The following PTPRD variants were observed in gnomAD, a reference collection of about 807,000 sequenced individuals.
The protein encoded by PTPRD is receptor-type tyrosine-protein phosphatase delta.
A neutral mutation model predicts 214.5 loss-of-function variants in PTPRD; 34 were observed. That is an observed-to-expected ratio of 0.16 (90% CI 0.12 to 0.21). The LOEUF (loss-of-function observed/expected upper bound fraction) is 0.21, where lower values mean the gene tolerates loss of function less well. Ranked by LOEUF, PTPRD falls within the 10% of genes least tolerant of loss-of-function variation. PTPRD has a pLI of 1.00. For synonymous variants in PTPRD, 1,128 were observed against 845.7 expected (o/e 1.33, Z -5.79); for missense variants, 2,545 against 2,398.7 (o/e 1.06, Z -1.27).
intron 5 of PTPRD, among the ~76,000 whole-genome samples, chr9:9,838,167 A>G (rs2057342625): frequency 6.6e-6 from 1 of 152,030 alleles, no homozygotes. Flanking sequence ...CCAGTCTATC[A>G]TTGTTGGACA....
At chr9:10,010,880 T>C (rs552120152) in intron 4 of PTPRD, among the ~76,000 whole-genome samples, 3 of 151,992 alleles carry the variant, frequency 2.0e-5, no homozygotes, top group African/African-American at 7.2e-5. Context: ...GCAATAATTG[T>C]TCTAGTCAAA....
intron 10 of PTPRD, among the ~76,000 whole-genome samples, chr9:9,088,401 G>A (rs1270879716): frequency 6.6e-6 from 1 of 151,154 alleles, no homozygotes; most frequent in African/African-American, 2.4e-5. Context: ...CCAACATGGT[G>A]AAACCCTGTC....
intron 2 of PTPRD, among the ~76,000 whole-genome samples, chr9:10,506,436 C>T (rs569759415): frequency 7.2e-5 from 11 of 151,912 alleles, no homozygotes; most frequent in East Asian, 5.8e-4. Context: ...ATCATGATTT[C>T]GACTAATTTA....
At chr9:8,472,647 T>A (rs553557888) in intron 30 of PTPRD, among the ~76,000 whole-genome samples, 1 of 152,158 alleles carries the variant, frequency 6.6e-6, no homozygotes, top group East Asian at 1.9e-4. Context: ...GTGTGAAATA[T>A]CTCAGTAATA....
rs141848723 is a variant in PTPRD at position 9,582,933 on chromosome 9, T to C, written c.-286-8152A>G. On this transcript the variant is annotated intron_variant, in intron 7 of 45. Coordinates refer to ENST00000381196, the MANE Select transcript of PTPRD (RefSeq NM_002839.4). Reference sequence around the variant, plus strand: ...AAAAACCATTAACCTCCCAGAGCATTTGTTGGAATTTCATTATACAATTGA... The same window carrying C: ...AAAAACCATTAACCTCCCAGAGCATCTGTTGGAATTTCATTATACAATTGA... 2.3e-3 allele frequency among the ~76,000 whole-genome samples: 352 copies of C among 152,174 alleles called. 1 individual carries two copies. The highest frequency in any genetic ancestry group is 8.1e-3 in the African/African-American group (335 of 41,558).
intron 3 of PTPRD, among the ~76,000 whole-genome samples, chr9:10,084,927 G>T (rs10119035): frequency 0.43 from 65,155 of 151,562 alleles, 16,062 homozygotes; most frequent in African/African-American, 0.68. Context: ...CTCAACTCTC[G>T]TAGATAAAAA....
chr9:9,805,925 A>C (rs992632182), intron 5 of PTPRD, among the ~76,000 whole-genome samples: 1 of 152,230 alleles, frequency 6.6e-6, no homozygotes, highest in Non-Finnish European at 1.5e-5. Flanking sequence ...GTACAAAAAA[A>C]CATAAAGTGA....
chr9:9,346,156 C>A (rs1194043852), intron 9 of PTPRD, among the ~76,000 whole-genome samples: 2 of 152,108 alleles, frequency 1.3e-5, no homozygotes, highest in Admixed American at 6.6e-5. Context: ...CAGAATATAT[C>A]TTCCTAGCCA....
intron 6 of PTPRD, among the ~76,000 whole-genome samples, chr9:9,755,576 G>A (rs541991242): frequency 1.4e-4 from 21 of 152,114 alleles, no homozygotes; most frequent in South Asian, 8.3e-4. Context: ...AAGAAAAATT[G>A]GGTAAAATAA....
intron 3 of PTPRD, among the ~76,000 whole-genome samples, chr9:10,274,154 C>A (rs1354956948): frequency 6.6e-6 from 1 of 152,090 alleles, no homozygotes. Context: ...GCTCCCATTA[C>A]AGGGAAAACA....
At position 9,338,474 on chromosome 9, in the gene PTPRD, A is replaced by G. The variant is rs12684020; in HGVS notation, c.-203+58975T>C. On this transcript the variant is annotated intron_variant, in intron 9 of 45. Coordinates refer to ENST00000381196, the MANE Select transcript of PTPRD (RefSeq NM_002839.4). ...AGGCTTTAGGTTTTTTTAGTTAAAA[A>G]ACATTTTAATTTTTTAAATCTAATG... Among the ~76,000 whole-genome samples, 78 of 152,308 alleles carry G rather than the reference A, an allele frequency of 5.1e-4. No homozygotes were observed. The East Asian group carries it at 0.012, about 24-fold the overall frequency.
At chr9:8,391,247 G>C (rs1054819852) in intron 36 of PTPRD, among the ~76,000 whole-genome samples, 2 of 152,084 alleles carry the variant, frequency 1.3e-5, no homozygotes, top group African/African-American at 4.8e-5. Context: ...CGGTTGTAAA[G>C]TTGATCCTCT....
chr9:10,493,194 A>G (rs1418887489), intron 2 of PTPRD, among the ~76,000 whole-genome samples: 1 of 152,100 alleles, frequency 6.6e-6, no homozygotes, highest in East Asian at 1.9e-4. Context: ...TTTGGATTCA[A>G]TGCTATCCCC....
chr9:8,592,730 G>A (rs1358621552), intron 14 of PTPRD, among the ~76,000 whole-genome samples: 1 of 152,168 alleles, frequency 6.6e-6, no homozygotes, highest in Non-Finnish European at 1.5e-5. Context: ...GGGTTGCTGT[G>A]CTTGAAGATT....
intron 11 of PTPRD, among the ~76,000 whole-genome samples, chr9:8,888,406 T>C (rs1300620972): frequency 6.6e-6 from 1 of 152,184 alleles, no homozygotes; most frequent in Non-Finnish European, 1.5e-5. Context: ...TTCTTACCAC[T>C]AAATTCAAGG....
intron 7 of PTPRD, among the ~76,000 whole-genome samples, chr9:9,651,723 T>A (rs966180346): frequency 6.6e-6 from 1 of 151,830 alleles, no homozygotes; most frequent in Non-Finnish European, 1.5e-5. Context: ...TGTGTCTTTA[T>A]AATAGAATGA....
intron 5 of PTPRD, among the ~76,000 whole-genome samples, chr9:9,878,219 G>T (rs565974731): frequency 1.2e-4 from 18 of 152,070 alleles, no homozygotes; most frequent in Admixed American, 1.1e-3. Flanking sequence ...AAAGTATCAC[G>T]CAGAAAGACA....
At chr9:8,367,040 C>T (rs534612688) in intron 39 of PTPRD, among the ~76,000 whole-genome samples, 1 of 152,194 alleles carries the variant, frequency 6.6e-6, no homozygotes, top group African/African-American at 2.4e-5. Context: ...ATTTATTTTT[C>T]TAGTGCCAAG....
chr9:9,768,916 C>A (rs180850691), intron 5 of PTPRD, among the ~76,000 whole-genome samples: 2 of 152,188 alleles, frequency 1.3e-5, no homozygotes, highest in Non-Finnish European at 1.5e-5. Flanking sequence ...ATCTCTCTAG[C>A]CATTAGGAAT....
Sources: allele counts gnomAD v4.1 joint callset (sites outside exome capture counted in the v4.1 genomes callset), GRCh38; gene constraint gnomAD v4.1.1; transcripts MANE v1.5; gene names NCBI Gene and HGNC (gene_info 2026-07-23, HGNC 2026-07-21).